MAST2: variants seen among roughly 807,000 people sequenced by gnomAD.
MAST2 encodes microtubule associated serine/threonine kinase 2, also known as microtubule-associated serine/threonine-protein kinase 2.
A neutral mutation model predicts 147.4 loss-of-function variants in MAST2; 70 were observed. That is an observed-to-expected ratio of 0.47 (90% CI 0.39 to 0.58). The LOEUF (loss-of-function observed/expected upper bound fraction) is 0.58. MAST2 is among the 20% of genes least tolerant of loss of function. The pLI, the probability that MAST2 is intolerant of heterozygous loss-of-function variation, is 0.00. For synonymous variants in MAST2, 869 were observed against 896.8 expected (o/e 0.97, Z 0.55); for missense variants, 2,080 against 2,302.3 (o/e 0.90, Z 1.98).
rs61544126 is a variant in MAST2, at chr1:45,933,063, TAAAAAAA to T, written c.501-26304_501-26298del. 1.1e-4 allele frequency among the ~76,000 whole-genome samples: 10 copies of T among 88,262 alleles called. No individual in the cohort carries two copies. The South Asian group carries it at 1.6e-3, about 14-fold the overall frequency. The allele number at this position is 88,262 out of a possible 152,430, so 57.9% of individuals were successfully genotyped here. A position where few individuals can be genotyped will look rare whatever the true frequency, so the allele number is the denominator to read the frequency against. ...GCAACTTAGTGAGACCCCATTTCTT[TAAAAAAA>T]AAAAAAAAAAAAAAAAAAGGCCAAG... is the stretch of plus-strand genomic sequence containing the variant. On this transcript the variant is annotated intron_variant, in intron 4 of 28. Transcript: ENST00000361297.
At chr1:45,985,203 A>G (rs528127412) in intron 5 of MAST2, among the ~76,000 whole-genome samples, 53 of 151,478 alleles carry the variant, frequency 3.5e-4, no homozygotes, top group Non-Finnish European at 3.5e-4. Flanking sequence ...CAACCTCCTG[A>G]GAAGCTGGGA....
chr1:45,843,552 G>T (rs1645340578), intron 3 of MAST2, among the ~76,000 whole-genome samples: 1 of 152,146 alleles, frequency 6.6e-6, no homozygotes. Flanking sequence ...TAGGGCTATA[G>T]ATGTGGACTT....
At chr1:46,024,030 C>T (rs1646298516) in intron 15 of MAST2, 50 bp downstream of exon 15, 7 of 1,579,280 alleles carry the variant, frequency 4.4e-6, no homozygotes, top group Non-Finnish European at 6.1e-6. Context: ...CAGTCTGAGA[C>T]TTAGCCTTAA....
chr1:45,968,225 A>G (rs1321666593), intron 5 of MAST2, among the ~76,000 whole-genome samples: 1 of 152,234 alleles, frequency 6.6e-6, no homozygotes, highest in Non-Finnish European at 1.5e-5. Context: ...TCTATTAGAC[A>G]AATTAAGAAT....
At chr1:46,024,025 T>G (rs780645361) in intron 15 of MAST2, 45 bp downstream of exon 15, 1 of 1,589,060 alleles carries the variant, frequency 6.3e-7, no homozygotes, top group Non-Finnish European at 8.6e-7. Flanking sequence ...AGGCACAGTC[T>G]GAGACTTAGC....
At chr1:46,004,908 T>TA (rs564543708) in intron 7 of MAST2, among the ~76,000 whole-genome samples, 112 of 149,458 alleles carry the variant, frequency 7.5e-4, no homozygotes, top group Non-Finnish European at 6.9e-4. Flanking sequence ...CCCTGTCACT[T>TA]AAAAAAAAAA....
At chr1:45,928,949 T>A (rs759763987) in intron 4 of MAST2, among the ~76,000 whole-genome samples, 1 of 152,146 alleles carries the variant, frequency 6.6e-6, no homozygotes, top group Non-Finnish European at 1.5e-5. Context: ...TCTGACATGT[T>A]CTTATGAGCT....
intron 4 of MAST2, chr1:45,913,953 G>A (rs756021531): frequency 1.7e-4 from 171 of 1,017,922 alleles, no homozygotes; most frequent in Non-Finnish European, 2.0e-4. Context: ...ACACAGCTTC[G>A]TTCATTTGGA....
At position 45,900,173 on chromosome 1, in the gene MAST2, C is replaced by CAAAAAAAAAAAA. The variant is rs59051138; in HGVS notation, c.500+17789_500+17800dup. 2.5e-3 allele frequency among the ~76,000 whole-genome samples: 135 copies of CAAAAAAAAAAAA among 54,084 alleles called. 11 individuals are homozygous for CAAAAAAAAAAAA. The highest frequency in any genetic ancestry group is 7.9e-3 in the African/African-American group (90 of 11,372). The allele number at this position is 54,084 out of a possible 152,430, so 35.5% of individuals were successfully genotyped here. A position where few individuals can be genotyped will look rare whatever the true frequency, so the allele number is the denominator to read the frequency against. On this transcript the variant is annotated intron_variant, in intron 4 of 28. Transcript: ENST00000361297. ...CGACAGAGCGAGACTCTCTCTCTCT[C>CAAAAAAAAAAAA]AAAAAAAAAAAAAAAAAAAAAAGAT...
At position 45,838,762 on chromosome 1, in the gene MAST2, C is replaced by A. The variant is rs138293561; in HGVS notation, c.468+9181C>A. ...AAAAATGTGGAAATCAGTTGTATCC[C>A]TCTATACTAACAATGAGTAATTAGA... On this transcript the variant is annotated intron_variant, in intron 3 of 28. Coordinates refer to ENST00000361297, the MANE Select transcript of MAST2 (RefSeq NM_015112.3). 7.6e-3 allele frequency among the ~76,000 whole-genome samples: 1,153 copies of A among 152,182 alleles called. 16 individuals are homozygous for A. The highest frequency in any genetic ancestry group is 0.027 in the African/African-American group (1,101 of 41,516).
At chr1:45,865,584 T>G (rs1028533898) in intron 3 of MAST2, among the ~76,000 whole-genome samples, 5 of 152,100 alleles carry the variant, frequency 3.3e-5, no homozygotes, top group Non-Finnish European at 7.4e-5. Flanking sequence ...ACACATTCCA[T>G]CCACTTATCT....
chr1:45,828,993 C>G (rs546532953), intron 2 of MAST2, among the ~76,000 whole-genome samples: 1 of 151,914 alleles, frequency 6.6e-6, no homozygotes, highest in Non-Finnish European at 1.5e-5. Context: ...AAGTGACTCT[C>G]TTTCATTGAG....
chr1:45,999,136 T>C (rs1277008069), intron 6 of MAST2, among the ~76,000 whole-genome samples: 1 of 152,224 alleles, frequency 6.6e-6, no homozygotes, highest in Non-Finnish European at 1.5e-5. Flanking sequence ...ATCCATCCTC[T>C]TTCCAGGATT....
intron 3 of MAST2, among the ~76,000 whole-genome samples, chr1:45,838,175 G>A (rs1645161778): frequency 6.7e-6 from 1 of 149,274 alleles, no homozygotes; most frequent in Non-Finnish European, 1.5e-5. Flanking sequence ...TAATGAGATT[G>A]AACATATTTT....
rs187108631 is a variant in MAST2, at chr1:45,882,182, A to G, written c.469-182A>G. 7.1e-3 allele frequency among the ~76,000 whole-genome samples: 991 copies of G among 140,088 alleles called. 15 individuals are homozygous for G. Among genetic ancestry groups the G allele is most frequent in the African/African-American group, 0.025 (955 of 38,018 alleles). 91.9% of individuals were successfully genotyped at this position (140,088 alleles called of 152,430 possible). ...ACTCCAGCCTGGGAGACAAAATGAGACTCCGTCTCAAAAAAAAAAAAAAAT... is the reference window on the plus strand; with the variant it reads ...ACTCCAGCCTGGGAGACAAAATGAGGCTCCGTCTCAAAAAAAAAAAAAAAT... On this transcript the variant is annotated intron_variant, in intron 3 of 28. Transcript: ENST00000361297.
At chr1:45,921,245 C>T (rs983295589) in intron 4 of MAST2, among the ~76,000 whole-genome samples, 10 of 152,202 alleles carry the variant, frequency 6.6e-5, no homozygotes, top group East Asian at 1.9e-4. Context: ...TCACCCACCT[C>T]GGACTCCCAA....
At chr1:45,874,212 C>G (rs530227626) in intron 3 of MAST2, among the ~76,000 whole-genome samples, 23 of 152,280 alleles carry the variant, frequency 1.5e-4, no homozygotes, top group African/African-American at 5.1e-4. Flanking sequence ...CACACAGTTA[C>G]ATGTTTTTGA....
intron 4 of MAST2, among the ~76,000 whole-genome samples, chr1:45,957,860 A>G (rs1238818497): frequency 6.6e-6 from 1 of 152,220 alleles, no homozygotes; most frequent in African/African-American, 2.4e-5. Context: ...CTAAGTTCCC[A>G]GGTGCAGTTG....
chr1:45,923,251 AG>A (rs1036994484), intron 4 of MAST2, among the ~76,000 whole-genome samples: 2 of 152,000 alleles, frequency 1.3e-5, no homozygotes, highest in Non-Finnish European at 2.9e-5. Context: ...CTTCCAAAGG[AG>A]GGTTCCAGGG....
Sources: allele counts gnomAD v4.1 joint callset (sites outside exome capture counted in the v4.1 genomes callset), GRCh38; gene constraint gnomAD v4.1.1; transcripts MANE v1.5; gene names NCBI Gene and HGNC (gene_info 2026-07-23, HGNC 2026-07-21).